The following STARD10 variants were observed in gnomAD, a reference collection of about 807,000 sequenced individuals.
STARD10 encodes START domain-containing protein 10.
A neutral mutation model predicts 36.0 loss-of-function variants in STARD10; 24 were observed. That is an observed-to-expected ratio of 0.67 (90% CI 0.48 to 0.94). STARD10 has a LOEUF of 0.94. Among genes scored for constraint, STARD10 ranks in the 40% least tolerant of loss-of-function variants. The pLI is 0.00. For synonymous variants in STARD10, 156 were observed against 161.9 expected (o/e 0.96, Z 0.28); for missense variants, 335 against 396.6 (o/e 0.84, Z 1.32).
At chr11:72,779,284 C>T (rs1001814136) in intron 2 of STARD10, among the ~76,000 whole-genome samples, 14 of 152,180 alleles carry the variant, frequency 9.2e-5, no homozygotes, top group African/African-American at 3.1e-4. Flanking sequence ...TTCCTCCCCC[C>T]TCTCTTCCAC....
chr11:72,757,188 A>T (rs1858656974), intron 5 of STARD10, among the ~76,000 whole-genome samples: 1 of 148,270 alleles, frequency 6.7e-6, no homozygotes, highest in African/African-American at 2.5e-5. Flanking sequence ...GATTTGGCTG[A>T]GGAAGAGGGA....
rs55822003 is a variant in STARD10 at position 72,760,001 on chromosome 11, C to T, written c.208-620G>A. 6.9e-3 allele frequency among the ~76,000 whole-genome samples: 1,018 copies of T among 148,022 alleles called. 20 individuals carry two copies. Among genetic ancestry groups the T allele is most frequent in the African/African-American group, 0.024 (971 of 39,988 alleles). On this transcript the variant is annotated intron_variant, in intron 2 of 6. Transcript: ENST00000334805. ...TCTTGGCTCACTGCAACCTCTGCCTCCCGGGTTCAAGTGATTCTCCTACCT... is the reference window on the plus strand; with the variant it reads ...TCTTGGCTCACTGCAACCTCTGCCTTCCGGGTTCAAGTGATTCTCCTACCT...
intron 1 of STARD10, among the ~76,000 whole-genome samples, chr11:72,782,737 C>G (rs1028808094): frequency 3.3e-5 from 5 of 152,218 alleles, no homozygotes; most frequent in Admixed American, 6.5e-5. Flanking sequence ...AGGCTCCCCC[C>G]TGCCCCCTGG....
At chr11:72,787,912 T>G (rs908219375) in intron 1 of STARD10, among the ~76,000 whole-genome samples, 4 of 152,202 alleles carry the variant, frequency 2.6e-5, no homozygotes, top group African/African-American at 9.6e-5. Context: ...GGGGCCTCAG[T>G]GTCCTGACTC....
intron 2 of STARD10, 61 bp downstream of exon 2, chr11:72,780,914 G>A (rs1043802849): frequency 3.9e-6 from 6 of 1,540,372 alleles, no homozygotes; most frequent in Non-Finnish European, 5.4e-6. Flanking sequence ...AGGACCAGGA[G>A]ACTCCGGGAG....
At chr11:72,773,016 C>T (rs544307306) in intron 2 of STARD10, among the ~76,000 whole-genome samples, 1 of 152,336 alleles carries the variant, frequency 6.6e-6, no homozygotes, top group East Asian at 1.9e-4. Context: ...CTCTTAAGAG[C>T]AGGACCCAGG....
intron 4 of STARD10, 62 bp from the exon 5 acceptor site, chr11:72,757,946 A>T: frequency 6.9e-7 from 1 of 1,441,748 alleles, no homozygotes; most frequent in Non-Finnish European, 9.8e-7. Context: ...TGTTTTTGTG[A>T]GTATACACAA....
Position 72,781,235 on chromosome 11 carries a change from TCCG to T in STARD10, c.-57_-55del. The T allele has an allele frequency of 6.6e-7, 1 of 1,517,974 alleles. No homozygotes were observed. Among genetic ancestry groups the T allele is most frequent in the Non-Finnish European group, 9.0e-7 (1 of 1,114,104 alleles). The allele number at this position is 1,517,974 out of a possible 1,614,324, so 94.0% of individuals were successfully genotyped here. A position where few individuals can be genotyped will look rare whatever the true frequency, so the allele number is the denominator to read the frequency against. On this transcript the variant is annotated 5_prime_UTR_variant, in exon 2 of 7. Transcript: ENST00000334805. The surrounding 1 kb of genome is among the most constrained non-coding windows in gnomAD (Gnocchi z 4.7). ...GTCCTAGTCCGGCTCTCCTGGGTCC[TCCG>T]CGGAGGCTCCGACAACGTCGACGCG...
At chr11:72,779,383 G>A (rs1428302134) in intron 2 of STARD10, among the ~76,000 whole-genome samples, 1 of 152,164 alleles carries the variant, frequency 6.6e-6, no homozygotes, top group Non-Finnish European at 1.5e-5. Flanking sequence ...CTTGAGGTCA[G>A]GAGTTCAAGA....
At chr11:72,773,612 C>CA (rs1858892746) in intron 2 of STARD10, among the ~76,000 whole-genome samples, 1 of 152,202 alleles carries the variant, frequency 6.6e-6, no homozygotes, top group Admixed American at 6.5e-5. Context: ...CCGGGGCTGT[C>CA]ACGTGGGTAG....
intron 2 of STARD10, among the ~76,000 whole-genome samples, chr11:72,760,592 G>A (rs1043195418): frequency 6.6e-6 from 1 of 152,150 alleles, no homozygotes; most frequent in South Asian, 2.1e-4. Flanking sequence ...GACGGCCAAG[G>A]ACACCTTGTT....
chr11:72,768,723 C>CT (rs1858822866), intron 2 of STARD10, among the ~76,000 whole-genome samples: 1 of 152,256 alleles, frequency 6.6e-6, no homozygotes, highest in Non-Finnish European at 1.5e-5. Context: ...GCCACCTTTC[C>CT]TTGTCTCCTA....
intron 5 of STARD10, 79 bp downstream of exon 5, chr11:72,757,688 T>C (rs1858662082): frequency 4.5e-6 from 6 of 1,331,754 alleles, no homozygotes; most frequent in Non-Finnish European, 6.4e-6. Context: ...GATGCCCTTC[T>C]GGATCCCTAG....
intron 2 of STARD10, among the ~76,000 whole-genome samples, chr11:72,776,674 TGATGG>T (rs1420498563): frequency 6.6e-6 from 1 of 152,054 alleles, no homozygotes; most frequent in Admixed American, 6.6e-5. Flanking sequence ...CACATCTGCT[TGATGG>T]GATTAAGGAG....
intron 2 of STARD10, among the ~76,000 whole-genome samples, chr11:72,767,268 G>A (rs1207103325): frequency 6.6e-6 from 1 of 152,120 alleles, no homozygotes; most frequent in East Asian, 1.9e-4. Context: ...AGGGGCACCT[G>A]GACCATGGAC....
At chr11:72,779,577 G>A (rs1858966673) in intron 2 of STARD10, among the ~76,000 whole-genome samples, 1 of 151,922 alleles carries the variant, frequency 6.6e-6, no homozygotes, top group African/African-American at 2.4e-5. Flanking sequence ...GACAGAGTGA[G>A]GCTTCTCAAA....
chr11:72,768,253 C>T (rs1178176706), intron 2 of STARD10, among the ~76,000 whole-genome samples: 2 of 152,154 alleles, frequency 1.3e-5, no homozygotes, highest in Non-Finnish European at 2.9e-5. Context: ...CAGTGCCCCT[C>T]TGCTCTTTCT....
At chr11:72,779,034 G>T (rs1858959390) in intron 2 of STARD10, among the ~76,000 whole-genome samples, 1 of 152,124 alleles carries the variant, frequency 6.6e-6, no homozygotes, top group Admixed American at 6.5e-5. Flanking sequence ...GCCTGGGCTG[G>T]GTAGGGTTTA....
At chr11:72,784,532 A>G (rs750513143) in intron 1 of STARD10, among the ~76,000 whole-genome samples, 4 of 152,228 alleles carry the variant, frequency 2.6e-5, no homozygotes, top group Admixed American at 6.5e-5. Context: ...ACACTGTCCA[A>G]AAATGCATGG....
Sources: gnomAD v4.1 joint callset for allele counts (sites outside exome capture counted in the v4.1 genomes callset) on GRCh38, gnomAD v4.1.1 for gene constraint, Gnocchi (gnomAD v3.1) non-coding constraint, MANE v1.5 for transcripts, NCBI Gene and HGNC (gene_info 2026-07-23, HGNC 2026-07-21) for gene names.